ORC2: variants seen among roughly 807,000 people sequenced by gnomAD.
ORC2 encodes the protein origin recognition complex protein 2 homolog.
ORC2 carries 37 observed loss-of-function variants against 77.7 expected under a neutral mutation model. That is an observed-to-expected ratio of 0.48 (90% CI 0.37 to 0.63). The LOEUF (loss-of-function observed/expected upper bound fraction) is 0.63. Among genes scored for constraint, ORC2 ranks in the 20% least tolerant of loss-of-function variants. The pLI is 0.00. For missense variants in ORC2, 557 were observed against 661.9 expected, an observed-to-expected ratio of 0.84 and a Z score of 1.74; for synonymous variants, 201 against 229.5, an observed-to-expected ratio of 0.88 and a Z score of 1.12.
chr2:200,923,070 A>ATG (rs2124950351), intron 13 of ORC2, among the ~76,000 whole-genome samples: 1 of 152,332 alleles, frequency 6.6e-6, no homozygotes, highest in South Asian at 2.1e-4. Context: ...ATGTTCACAT[A>ATG]TGCAGTAGTT....
At chr2:200,920,643 T>C (rs1317991918) in intron 14 of ORC2, among the ~76,000 whole-genome samples, 1 of 152,196 alleles carries the variant, frequency 6.6e-6, no homozygotes, top group Non-Finnish European at 1.5e-5. Flanking sequence ...TTTAAAAAAT[T>C]AGTAATGTTT....
In ORC2 at chr2:200,931,405, G is replaced by A; in HGVS notation, c.851C>T (p.Ser284Phe). The A allele has an allele frequency of 6.5e-7, 1 of 1,540,122 alleles. No homozygotes were observed. The highest frequency in any genetic ancestry group is 2.6e-5 in the East Asian group (1 of 39,166). ...TTGATTTAGTTGTTTAAGTTCGGCA[G>A]AAAAGGAAGGGGAAACCTTGCTCAA... Reference protein sequence around the residue: ...NLLSKVSPSFSAELKQLNQQY... With the variant: ...NLLSKVSPSFFAELKQLNQQY... Residue 284 changes from serine (S) to phenylalanine (F), a missense_variant, in exon 11 of 18, where the codon TCT becomes TTT. Coordinates refer to ENST00000234296, the MANE Select transcript of ORC2 (RefSeq NM_006190.5).
At chr2:200,939,394 A>T (rs2041107349) in intron 7 of ORC2, among the ~76,000 whole-genome samples, 2 of 152,092 alleles carry the variant, frequency 1.3e-5, no homozygotes, top group South Asian at 4.1e-4. Flanking sequence ...CTAATAAATA[A>T]TTTTTTCCTA....
chr2:200,927,526 CAAA>C (rs1158700178), intron 11 of ORC2, among the ~76,000 whole-genome samples: 3 of 131,078 alleles, frequency 2.3e-5, no homozygotes, highest in Non-Finnish European at 1.7e-5. Context: ...ACTAAAAATA[CAAA>C]AAAAAAAAAA....
At chr2:200,931,011 T>C (rs767501072) in intron 11 of ORC2, among the ~76,000 whole-genome samples, 15 of 152,100 alleles carry the variant, frequency 9.9e-5, no homozygotes, top group Non-Finnish European at 2.1e-4. Context: ...TTTTTTTTTC[T>C]AATTGTTATA....
chr2:200,958,977 A>G (rs2041521547), intron 2 of ORC2, among the ~76,000 whole-genome samples: 1 of 151,920 alleles, frequency 6.6e-6, no homozygotes, highest in South Asian at 2.1e-4. Flanking sequence ...TCTTGTTTTC[A>G]CCTTTTCTTT....
chr2:200,937,496 T>C (rs757814721), intron 8 of ORC2, among the ~76,000 whole-genome samples: 2 of 152,176 alleles, frequency 1.3e-5, no homozygotes, highest in African/African-American at 2.4e-5. Context: ...ATCTTCCTGA[T>C]ATATAAAGGT....
chr2:200,926,806 C>T lies in ORC2; in HGVS notation c.1012G>A (p.Val338Ile). Residue 338 changes from valine to isoleucine, a missense_variant, in exon 12 of 18, where the codon GTC (valine) becomes ATC (isoleucine). By Grantham distance (29) the Val-to-Ile change is conservative (BLOSUM62 3). Transcript: ENST00000234296. ...ATTCCAGGAAAGAAGCCATTGATGA[C>T]AACGTGAATGGAATCTTGCAGCATA... ...TTMLQDSIHV[V>I]INGFFPGISV... The T allele has an allele frequency of 6.2e-7, 1 of 1,613,926 alleles. No homozygotes were observed. The highest frequency in any genetic ancestry group is 8.5e-7 in the Non-Finnish European group (1 of 1,179,892).
In ORC2 at chr2:200,911,254, G is replaced by A. The variant is rs2040545780; in HGVS notation, c.*47C>T. ...AACACTTTCAACTAGAGGAGTGGCAGCTGGGGTACAACCCTTCCATGGGAG... is the reference window on the plus strand; with the variant it reads ...AACACTTTCAACTAGAGGAGTGGCAACTGGGGTACAACCCTTCCATGGGAG... On this transcript the variant is annotated 3_prime_UTR_variant, in exon 18 of 18. Transcript: ENST00000234296. The A allele has an allele frequency of 5.6e-6, 6 of 1,067,616 alleles. No homozygotes were observed. Among genetic ancestry groups the A allele is most frequent in the African/African-American group, 1.6e-5 (1 of 63,978 alleles). The allele number at this position is 1,067,616 out of a possible 1,614,324, so 66.1% of individuals were successfully genotyped here.
intron 5 of ORC2, among the ~76,000 whole-genome samples, chr2:200,944,878 T>C (rs183297182): frequency 5.9e-5 from 9 of 152,338 alleles, no homozygotes; most frequent in Admixed American, 3.3e-4. Flanking sequence ...TGTTTAGTTA[T>C]GACTATGAAT....
At chr2:200,920,093 T>C in intron 15 of ORC2, 129 bp downstream of exon 15, 1 of 623,684 alleles carries the variant, frequency 1.6e-6, no homozygotes, top group East Asian at 2.8e-5. Flanking sequence ...CCAGTACTGG[T>C]AACTATTATT....
At chr2:200,961,977 G>A (rs961131177) in intron 1 of ORC2, among the ~76,000 whole-genome samples, 24 of 152,174 alleles carry the variant, frequency 1.6e-4, no homozygotes, top group Non-Finnish European at 3.5e-4. Flanking sequence ...ATTGTCCTAG[G>A]CAATTTCCCT....
chr2:200,920,186 T>C (rs759724702), intron 15 of ORC2, 36 bp downstream of exon 15: 6 of 1,546,488 alleles, frequency 3.9e-6, no homozygotes, highest in Admixed American at 3.7e-5. Context: ...TTAAAATGTA[T>C]AGTTTTTAAA....
At chr2:200,956,954 T>C (rs1372703188) in intron 4 of ORC2, among the ~76,000 whole-genome samples, 9 of 150,834 alleles carry the variant, frequency 6.0e-5, no homozygotes, top group Admixed American at 2.6e-4. Flanking sequence ...TAGGTGGGAG[T>C]TGAAAAATGA....
At chr2:200,922,947 T>C (rs2040784200) in intron 13 of ORC2, among the ~76,000 whole-genome samples, 1 of 152,168 alleles carries the variant, frequency 6.6e-6, no homozygotes, top group South Asian at 2.1e-4. Flanking sequence ...CAGCAATTGA[T>C]TTTTAATTAA....
chr2:200,913,278 C>A lies in ORC2; in HGVS notation c.1647+17G>T. The A allele has an allele frequency of 6.4e-7, 1 of 1,556,826 alleles. No individual in the cohort carries two copies. The highest frequency in any genetic ancestry group is 8.8e-7 in the Non-Finnish European group (1 of 1,139,876). ...GGACTATTCCTGGCATACAATGCTACAATAGTGGAGTCTTACCTTCTTTGT... is the reference window on the plus strand; with the variant it reads ...GGACTATTCCTGGCATACAATGCTAAAATAGTGGAGTCTTACCTTCTTTGT... On this transcript the variant is annotated intron_variant, in intron 17 of 17. Transcript: ENST00000234296.
At chr2:200,937,496 TATATAA>T (rs1291895735) in intron 8 of ORC2, among the ~76,000 whole-genome samples, 1 of 152,176 alleles carries the variant, frequency 6.6e-6, no homozygotes, top group African/African-American at 2.4e-5. Flanking sequence ...ATCTTCCTGA[TATATAA>T]AGGTCCAGTC....
intron 4 of ORC2, 68 bp from the exon 5 acceptor site, chr2:200,949,711 A>T: frequency 1.1e-6 from 1 of 874,598 alleles, no homozygotes; most frequent in Non-Finnish European, 1.8e-6. Flanking sequence ...AATTTTAACA[A>T]AAAAACTTAA....
intron 14 of ORC2, among the ~76,000 whole-genome samples, 194 bp downstream of exon 14, chr2:200,920,799 A>G (rs950790777): frequency 2.0e-5 from 3 of 152,320 alleles, no homozygotes; most frequent in Admixed American, 1.3e-4. Flanking sequence ...ATCCTCATTT[A>G]GTATCTGAAT....
Sources: allele counts gnomAD v4.1 joint callset (sites outside exome capture counted in the v4.1 genomes callset), GRCh38; gene constraint gnomAD v4.1.1; transcripts MANE v1.5; gene names NCBI Gene and HGNC (gene_info 2026-07-23, HGNC 2026-07-21).